USP9X: variants seen among roughly 807,000 people sequenced by gnomAD.
The protein encoded by USP9X is ubiquitin carboxyl-terminal hydrolase 9X.
USP9X carries 7 observed loss-of-function variants against 190.3 expected under a neutral mutation model. The observed-to-expected ratio is 0.04, with a 90% CI of 0.02 to 0.07. The LOEUF (loss-of-function observed/expected upper bound fraction) is 0.07. Ranked by LOEUF, USP9X falls within the 10% of genes least tolerant of loss-of-function variation. The probability of loss-of-function intolerance (pLI) is 1.00; values close to 1 mark genes in which losing one functional copy is unlikely to be tolerated. For synonymous variants in USP9X, 645 were observed against 659.5 expected (o/e 0.98, Z 0.34); for missense variants, 1,010 against 1,916.9 (o/e 0.53, Z 8.83).
intron 20 of USP9X, chrX:41,171,553 G>T: frequency 3.5e-6 from 1 of 286,526 alleles, no homozygotes; most frequent in Non-Finnish European, 6.4e-6. Context: ...GGGCATGGCA[G>T]CCTTTTGTTA....
At chrX:41,126,398 C>T (rs889983288) in intron 2 of USP9X, among the ~76,000 whole-genome samples, 1 of 111,594 alleles carries the variant, frequency 9.0e-6, no homozygotes, top group East Asian at 2.8e-4. Context: ...AATTTTACAC[C>T]AGAAGCTAGT....
chrX:41,119,828 T>G (rs767368882), intron 1 of USP9X, among the ~76,000 whole-genome samples: 243 of 112,193 alleles, frequency 2.2e-3, no homozygotes, highest in Non-Finnish European at 3.6e-3. Flanking sequence ...AGACTCCGTC[T>G]CAAAAAAGAA....
intron 38 of USP9X, among the ~76,000 whole-genome samples, chrX:41,220,901 G>A (rs1330580388): frequency 6.8e-5 from 7 of 102,817 alleles, no homozygotes; most frequent in Non-Finnish European, 1.2e-4. Flanking sequence ...CCAAGATCGC[G>A]CCACTGCACT....
In USP9X at chrX:41,234,977, T is replaced by G. The variant is rs2063390500; in HGVS notation, c.*2453T>G. ...ACCATCTCACCATCTGAGAGGAGAT[T>G]TATATATTTCCTGCTGCTCCTTAAC... On this transcript the variant is annotated 3_prime_UTR_variant, in exon 45 of 45. Transcript: ENST00000378308. 8.9e-6 allele frequency: 1 copy of G among 112,288 alleles called. No homozygotes were observed. The highest frequency in any genetic ancestry group is 9.5e-5 in the Admixed American group (1 of 10,511). The allele number at this position is 112,288 out of a possible 1,213,427, so 9.3% of individuals were successfully genotyped here.
Position 41,141,360 on chromosome X carries a change from A to G in USP9X, c.1090A>G (p.Ser364Gly). The G allele has an allele frequency of 8.3e-7, 1 of 1,208,433 alleles. No individual in the cohort carries two copies. Among genetic ancestry groups the G allele is most frequent in the Non-Finnish European group, 1.1e-6 (1 of 893,627 alleles). ...ALNEVNKVIS[S>G]VSYYTHRHGN... ...GAATGAAGTTAATAAGGTGATATCT[A>G]GTGTATCATACTATACTCATCGACA... is the stretch of plus-strand genomic sequence containing the variant. The change falls in exon 9 of 45, where the codon AGT becomes GGT. Residue 364 changes from serine (S) to glycine (G), a missense_variant. By Grantham distance (56) the Ser-to-Gly change is moderately conservative (BLOSUM62 0). Coordinates refer to ENST00000378308, the MANE Select transcript of USP9X (RefSeq NM_001039591.3).
chrX:41,123,224 A>AT lies in USP9X; in HGVS notation c.-158-246dup, dbSNP rs202173909. 4.1e-4 allele frequency among the ~76,000 whole-genome samples: 46 copies of AT among 111,931 alleles called. No individual in the cohort carries two copies. The East Asian group carries it at 0.012, about 30-fold the overall frequency. On this transcript the variant is annotated intron_variant, in intron 1 of 44. Transcript: ENST00000378308. ...TAAAATGACAGTTAAGTACTTTGAT[A>AT]TATTGCCTTTGGAGTCATTTCCAGG...
rs1186136318 is a variant in USP9X at position 41,141,181 on chromosome X, A to C, written c.986A>C (p.Lys329Thr). 8.4e-7 allele frequency: 1 copy of C among 1,191,248 alleles called. No homozygotes were observed. The highest frequency in any genetic ancestry group is 1.8e-5 in the African/African-American group (1 of 56,276). The change falls in exon 8 of 45, where the codon AAA becomes ACA. Residue 329 changes from lysine to threonine, a missense_variant. Physicochemically the swap from Lys to Thr is moderately conservative, Grantham distance 78. Around this residue, in one of 11 missense-constraint regions of USP9X, gnomAD observed 176 missense variants for 247.5 expected, o/e 0.71. Transcript: ENST00000378308. ...GTTCCAGGACAAGAAGAAACTGTTA[A>C]AAACTTAGAAATATTTAGGTTAAAA... is the stretch of plus-strand genomic sequence containing the variant. Reference protein sequence around the residue: ...SRVPGQEETVKNLEIFRLKMI... With the variant: ...SRVPGQEETVTNLEIFRLKMI...
At chrX:41,168,384 C>G in intron 18 of USP9X, 166 bp downstream of exon 18, 1 of 415,478 alleles carries the variant, frequency 2.4e-6, no homozygotes, top group Middle Eastern at 6.9e-4. Flanking sequence ...CCCCCACTCT[C>G]CCATCTGGTT....
At chrX:41,227,312 G>C (rs2063322331) in intron 41 of USP9X, among the ~76,000 whole-genome samples, 1 of 111,467 alleles carries the variant, frequency 9.0e-6, no homozygotes, top group Non-Finnish European at 1.9e-5. Flanking sequence ...AATATGATAT[G>C]GCAGAAATAA....
chrX:41,109,038 G>A (rs762980358), intron 1 of USP9X, among the ~76,000 whole-genome samples: 4 of 111,550 alleles, frequency 3.6e-5, no homozygotes, highest in Middle Eastern at 9.2e-3. Context: ...GTCGGGGGAG[G>A]TGTGTTCTTG....
chrX:41,121,627 GTCTC>G (rs2062190755), intron 1 of USP9X, among the ~76,000 whole-genome samples: 1 of 111,680 alleles, frequency 9.0e-6, no homozygotes, highest in African/African-American at 3.3e-5. Flanking sequence ...CTTGTGGGAA[GTCTC>G]TCTCAATCTC....
intron 26 of USP9X, 28 bp from the exon 27 acceptor site, chrX:41,196,223 A>G: frequency 4.2e-6 from 5 of 1,198,641 alleles, no homozygotes; most frequent in Non-Finnish European, 5.7e-6. Context: ...GAAATAATGT[A>G]TTAAATGTGA....
intron 41 of USP9X, among the ~76,000 whole-genome samples, chrX:41,227,786 C>T (rs2063327160): frequency 9.1e-6 from 1 of 110,226 alleles, no homozygotes; most frequent in Admixed American, 9.7e-5. Flanking sequence ...CTGCAAGCTC[C>T]GCCTCCCGGG....
At chrX:41,127,210 T>TA (rs1266585188) in intron 2 of USP9X, among the ~76,000 whole-genome samples, 2 of 112,101 alleles carry the variant, frequency 1.8e-5, no homozygotes, top group East Asian at 2.8e-4. Context: ...CAGTAAAAAT[T>TA]ACCAAATACT....
chrX:41,230,504 C>T lies in USP9X; in HGVS notation c.7435C>T (p.Pro2479Ser). 8.3e-7 allele frequency: 1 copy of T among 1,207,614 alleles called. No homozygotes were observed. ...ATCTTGAAATATTCAAAATTAGGAG[C>T]CAGATGACCAAGATGCTCCAGATGA... ...KACELCPEEE[P>S]DDQDAPDEHE... Residue 2479 changes from proline to serine, a missense_variant, in exon 44 of 45, where the codon CCA (proline) becomes TCA (serine). By Grantham distance (74) the Pro-to-Ser change is moderately conservative. Around this residue, in one of 11 missense-constraint regions of USP9X, gnomAD observed 48 missense variants for 60.4 expected, o/e 0.79. Transcript: ENST00000378308.
chrX:41,170,477 C>A lies in USP9X; in HGVS notation c.2885C>A (p.Thr962Lys). Residue 962 changes from threonine to lysine, a missense_variant, in exon 20 of 45, where the codon ACA (threonine) becomes AAA (lysine). By Grantham distance (78) the Thr-to-Lys change is moderately conservative. Transcript: ENST00000378308. ...QLNLKDKSLI[T>K]AKLTQISSNM... ...ATAGTATATAATTTTCAGCTTATTA[C>A]AGCCAAACTTACACAGATAAGTTCC... 1 of 1,208,924 alleles carries A rather than the reference C, an allele frequency of 8.3e-7. No individual in the cohort carries two copies. The highest frequency in any genetic ancestry group is 1.1e-6 in the Non-Finnish European group (1 of 893,988).
intron 26 of USP9X, among the ~76,000 whole-genome samples, chrX:41,194,490 G>T (rs1465705626): frequency 9.0e-6 from 1 of 111,283 alleles, no homozygotes; most frequent in East Asian, 2.8e-4. Context: ...GGAGGCGGAG[G>T]TTGCAGTGAG....
At chrX:41,133,380 G>C (rs1273723018) in intron 4 of USP9X, among the ~76,000 whole-genome samples, 1 of 111,255 alleles carries the variant, frequency 9.0e-6, no homozygotes, top group Non-Finnish European at 1.9e-5. Flanking sequence ...TGGGTATATA[G>C]TAGGTGTATA....
At chrX:41,139,050 A>G (rs1294371331) in intron 6 of USP9X, among the ~76,000 whole-genome samples, 2 of 112,704 alleles carry the variant, frequency 1.8e-5, no homozygotes, top group African/African-American at 3.2e-5. Context: ...AAAGAAATAC[A>G]GAAAGATTAG....
Sources: allele counts gnomAD v4.1 joint callset (sites outside exome capture counted in the v4.1 genomes callset), GRCh38; gene constraint gnomAD v4.1.1; regional missense constraint gnomAD v4.1.1; transcripts MANE v1.5; gene names NCBI Gene and HGNC (gene_info 2026-07-23, HGNC 2026-07-21).